The following SOX5 variants were observed in gnomAD, a reference collection of about 807,000 sequenced individuals.
The protein encoded by SOX5 is SRY-box transcription factor 5, also known as transcription factor SOX-5.
SOX5 carries 9 observed loss-of-function variants against 92.0 expected under a neutral mutation model. The ratio of observed to expected loss-of-function variants is 0.10; its 90% confidence interval spans 0.06 to 0.17. The LOEUF is 0.17. Among genes scored for constraint, SOX5 ranks in the 10% least tolerant of loss-of-function variants. The probability of loss-of-function intolerance (pLI) is 1.00; values close to 1 mark genes in which losing one functional copy is unlikely to be tolerated. For synonymous variants in SOX5, 344 were observed against 336.3 expected, an observed-to-expected ratio of 1.02 and a Z score of -0.25; for missense variants, 642 against 944.5, an observed-to-expected ratio of 0.68 and a Z score of 4.20.
chr12:23,719,644 C>A (rs1433902242), intron 6 of SOX5, among the ~76,000 whole-genome samples: 2 of 151,834 alleles, frequency 1.3e-5, no homozygotes, highest in Admixed American at 1.3e-4. Flanking sequence ...GTGGTCCTAG[C>A]CACTCAGGAG....
rs1566239985 is a variant in SOX5 at position 23,604,501 on chromosome 12, C to G, written c.1050G>C (p.Gln350His). The change falls in exon 9 of 15, where the codon CAG becomes CAC. Residue 350 changes from glutamine (Q) to histidine (H), a missense_variant. Gln to His is a conservative substitution (Grantham distance 24). Coordinates refer to ENST00000451604, the MANE Select transcript of SOX5 (RefSeq NM_006940.6). Reference sequence around the variant, plus strand: ...CTGGCAGCTTCCCTCCTGGAGATACCTGCATTGCAGCTAGCTGGGCAGCAT... The same window carrying G: ...CTGGCAGCTTCCCTCCTGGAGATACGTGCATTGCAGCTAGCTGGGCAGCAT... ...QLYAAQLAAMQVSPGGKLPGI... is the reference protein window; with the variant it reads ...QLYAAQLAAMHVSPGGKLPGI... 1.2e-6 allele frequency: 2 copies of G among 1,613,694 alleles called. No homozygotes were observed. The highest frequency in any genetic ancestry group is 2.2e-5 in the East Asian group (1 of 44,862).
chr12:24,222,162 C>T (rs1007895323), intron 3 of SOX5, among the ~76,000 whole-genome samples: 9 of 152,180 alleles, frequency 5.9e-5, no homozygotes, highest in Non-Finnish European at 1.2e-4. Flanking sequence ...TCTTTTCCCC[C>T]CCACCACCAA....
At chr12:23,950,162 A>C (rs950101196), upstream of SOX5, among the ~76,000 whole-genome samples, 8 of 152,046 alleles carry the variant, frequency 5.3e-5, no homozygotes, top group African/African-American at 1.9e-4. Flanking sequence ...TTAACTAATT[A>C]AGCAAAAAAT....
intron 3 of SOX5, among the ~76,000 whole-genome samples, chr12:23,804,421 T>C (rs748031061): frequency 6.6e-6 from 1 of 152,062 alleles, no homozygotes; most frequent in Non-Finnish European, 1.5e-5. Context: ...CCAGGAAGAA[T>C]AGGCAATGAG....
chr12:23,807,642 A>ATT (rs34889293), intron 3 of SOX5, among the ~76,000 whole-genome samples: 56,597 of 141,950 alleles, frequency 0.4, 11,943 homozygotes, highest in East Asian at 0.63. Context: ...CAGAAATTCC[A>ATT]TTTTTTTTTT....
chr12:24,315,431 C>T (rs1203363653), intron 2 of SOX5, among the ~76,000 whole-genome samples: 1 of 152,024 alleles, frequency 6.6e-6, no homozygotes. Flanking sequence ...AATACAGAAA[C>T]TTCATTCAAT....
chr12:23,736,864 T>A lies in SOX5; in HGVS notation c.742-2112A>T, dbSNP rs564172509. On this transcript the variant is annotated intron_variant, in intron 5 of 14. Transcript: ENST00000451604. ...CACCACCATGCCTGATTAATTTTTT[T>A]ATATTTTTACTAGAGACACGGTTTC... is the stretch of plus-strand genomic sequence containing the variant. 3.7e-4 allele frequency among the ~76,000 whole-genome samples: 57 copies of A among 152,094 alleles called. No individual in the cohort carries two copies. The South Asian group carries it at 0.012, about 31-fold the overall frequency.
rs1255957401 is a variant in SOX5 at position 24,208,543 on chromosome 12, T to C, written c.-2+4800A>G. ...CCAACATCTCTGCTGGGCAAAATCA[T>C]ATGCATCCTTTAAAGCCCAGCTCAA... On this transcript the variant is annotated intron_variant, in intron 4 of 4. Transcript: ENST00000446891. 7.2e-5 allele frequency among the ~76,000 whole-genome samples: 11 copies of C among 152,242 alleles called. No individual in the cohort carries two copies. In the East Asian group the frequency reaches 2.1e-3, roughly 29 times the overall value.
At chr12:24,343,519 G>C (rs1299984995) in intron 2 of SOX5, among the ~76,000 whole-genome samples, 1 of 151,570 alleles carries the variant, frequency 6.6e-6, no homozygotes, top group South Asian at 2.1e-4. Flanking sequence ...AAGTATATTA[G>C]ATAGAATACA....
At chr12:23,572,522 G>C (rs1244053906) in intron 10 of SOX5, among the ~76,000 whole-genome samples, 3 of 151,758 alleles carry the variant, frequency 2.0e-5, no homozygotes, top group Non-Finnish European at 4.4e-5. Flanking sequence ...GTATGTTCTT[G>C]CCTTTCTAAA....
At chr12:23,555,926 A>T (rs1360697376) in intron 11 of SOX5, among the ~76,000 whole-genome samples, 2 of 152,210 alleles carry the variant, frequency 1.3e-5, no homozygotes, top group African/African-American at 4.8e-5. Context: ...GCCTATACTC[A>T]ATTTCTAAAA....
chr12:23,600,701 A>T (rs1393869383), intron 9 of SOX5, among the ~76,000 whole-genome samples: 2 of 151,750 alleles, frequency 1.3e-5, no homozygotes, highest in East Asian at 3.9e-4. Context: ...CATGTTCTTG[A>T]ATGCAGATTT....
chr12:24,339,881 A>C (rs1326625863), intron 2 of SOX5, among the ~76,000 whole-genome samples: 9 of 152,230 alleles, frequency 5.9e-5, no homozygotes. Flanking sequence ...GAAAGAGGAA[A>C]TTCCCTCAGC....
At chr12:23,663,869 A>C (rs1198146613) in intron 7 of SOX5, among the ~76,000 whole-genome samples, 1 of 152,082 alleles carries the variant, frequency 6.6e-6, no homozygotes, top group Non-Finnish European at 1.5e-5. Flanking sequence ...GTGTGTCTGG[A>C]TGAGTTGATA....
At chr12:23,542,396 C>G (rs1942257353) in intron 13 of SOX5, among the ~76,000 whole-genome samples, 1 of 152,080 alleles carries the variant, frequency 6.6e-6, no homozygotes, top group South Asian at 2.1e-4. Flanking sequence ...ATGACAATGA[C>G]AGTGATAATG....
At chr12:24,550,866 G>A (rs748530327) in intron 1 of SOX5, among the ~76,000 whole-genome samples, 9 of 152,130 alleles carry the variant, frequency 5.9e-5, no homozygotes, top group Non-Finnish European at 1.2e-4. Context: ...CATGAGACAC[G>A]CATTGATGTT....
intron 4 of SOX5, among the ~76,000 whole-genome samples, chr12:23,986,082 T>C (rs1269923846): frequency 2.0e-5 from 3 of 152,190 alleles, no homozygotes; most frequent in Admixed American, 2.0e-4. Flanking sequence ...GCAACCTTAA[T>C]TTCATCTACA....
At chr12:23,827,693 T>C (rs1438286395) in intron 3 of SOX5, among the ~76,000 whole-genome samples, 1 of 152,210 alleles carries the variant, frequency 6.6e-6, no homozygotes, top group Non-Finnish European at 1.5e-5. Flanking sequence ...ATGAGCTGCA[T>C]GCTCACATAA....
intron 4 of SOX5, among the ~76,000 whole-genome samples, chr12:24,118,597 A>G (rs1408651649): frequency 4.6e-5 from 7 of 152,226 alleles, no homozygotes; most frequent in African/African-American, 1.7e-4. Flanking sequence ...AGCCTAGGAA[A>G]TCTCTATTCA....
Sources: gnomAD v4.1 joint callset for allele counts (sites outside exome capture counted in the v4.1 genomes callset) on GRCh38, gnomAD v4.1.1 for gene constraint, MANE v1.5 for transcripts, NCBI Gene and HGNC (gene_info 2026-07-23, HGNC 2026-07-21) for gene names.